TPGS2: variants seen among roughly 807,000 people sequenced by gnomAD.
TPGS2 encodes polyglutamylase subunit 2.
TPGS2 carries 26 observed loss-of-function variants against 31.1 expected under a neutral mutation model. The ratio of observed to expected loss-of-function variants is 0.84; its 90% CI spans 0.61 to 1.16. The LOEUF is 1.16. Ranked by LOEUF, TPGS2 falls within the 50% of genes most tolerant of loss-of-function variation. The pLI, the probability that TPGS2 is intolerant of heterozygous loss-of-function variation, is 0.00. For missense variants in TPGS2, 351 were observed against 363.8 expected, an observed-to-expected ratio of 0.96 and a Z score of 0.29; for synonymous variants, 130 against 136.6, an observed-to-expected ratio of 0.95 and a Z score of 0.34.
intron 6 of TPGS2, among the ~76,000 whole-genome samples, chr18:36,787,267 G>A (rs1432720203): frequency 6.6e-6 from 1 of 152,188 alleles, no homozygotes; most frequent in Non-Finnish European, 1.5e-5. Context: ...GGACTATTCA[G>A]TTGGCCCAGC....
chr18:36,815,468 A>G (rs2045610720), intron 2 of TPGS2, among the ~76,000 whole-genome samples: 1 of 152,172 alleles, frequency 6.6e-6, no homozygotes, highest in African/African-American at 2.4e-5. Flanking sequence ...CCCAAAAAAA[A>G]CATATCTGAC....
At chr18:36,797,779 T>G (rs567306244) in intron 6 of TPGS2, among the ~76,000 whole-genome samples, 3 of 151,788 alleles carry the variant, frequency 2.0e-5, no homozygotes, top group Non-Finnish European at 4.4e-5. Flanking sequence ...CCACACTTGG[T>G]GTTTTCAAAC....
intron 6 of TPGS2, among the ~76,000 whole-genome samples, chr18:36,788,093 A>G (rs996822070): frequency 2.6e-5 from 4 of 152,118 alleles, no homozygotes; most frequent in African/African-American, 9.7e-5. Context: ...CAGATTTTTG[A>G]ATTTGTCTTG....
intron 2 of TPGS2, among the ~76,000 whole-genome samples, chr18:36,809,598 T>G (rs918343796): frequency 6.6e-6 from 1 of 152,222 alleles, no homozygotes; most frequent in African/African-American, 2.4e-5. Flanking sequence ...CCACATTATC[T>G]GTGCTTTCAG....
chr18:36,804,392 T>C (rs1381590319), intron 4 of TPGS2, among the ~76,000 whole-genome samples: 2 of 152,174 alleles, frequency 1.3e-5, no homozygotes, highest in Non-Finnish European at 2.9e-5. Context: ...TTAGCCCACC[T>C]ATTTGACTAC....
chr18:36,814,758 G>A (rs1031633769), intron 2 of TPGS2, among the ~76,000 whole-genome samples: 7 of 152,098 alleles, frequency 4.6e-5, no homozygotes, highest in African/African-American at 7.2e-5. Context: ...ACTTTATTCC[G>A]ATGTTGCTTT....
intron 6 of TPGS2, chr18:36,786,481 T>C (rs2044131559): frequency 6.2e-6 from 1 of 160,604 alleles, no homozygotes; most frequent in South Asian, 2.0e-4. Flanking sequence ...CCTCCCAAAG[T>C]GCTGCGATTA....
chr18:36,819,891 TC>T (rs1600833000), intron 1 of TPGS2, among the ~76,000 whole-genome samples: 1 of 152,148 alleles, frequency 6.6e-6, no homozygotes, highest in Non-Finnish European at 1.5e-5. Flanking sequence ...ATTGGTGCCC[TC>T]CTCATAAAAA....
downstream of TPGS2, among the ~76,000 whole-genome samples, chr18:36,781,449 C>T (rs929278238): frequency 1.4e-4 from 21 of 152,070 alleles, no homozygotes; most frequent in Admixed American, 4.6e-4. Flanking sequence ...GTCAGGAGAT[C>T]GAGACCATCC....
At chr18:36,797,160 T>C (rs1600745677) in intron 6 of TPGS2, 110 bp from the exon 7 acceptor site, 1 of 1,547,496 alleles carries the variant, frequency 6.5e-7, no homozygotes, top group Non-Finnish European at 8.6e-7. Context: ...GAGGTACATT[T>C]TCATGAAAAA....
intron 2 of TPGS2, among the ~76,000 whole-genome samples, chr18:36,809,657 G>A (rs1046016714): frequency 6.6e-6 from 1 of 152,142 alleles, no homozygotes; most frequent in African/African-American, 2.4e-5. Flanking sequence ...CTAAAACCCT[G>A]GTACAGGAAG....
At chr18:36,782,373 G>T (rs1190597042), downstream of TPGS2, among the ~76,000 whole-genome samples, 1 of 150,366 alleles carries the variant, frequency 6.7e-6, no homozygotes, top group Non-Finnish European at 1.5e-5. Context: ...AATAAGATAG[G>T]GTGGTGATTC....
Position 36,795,190 on chromosome 18 carries a change from CAAAAT to C in TPGS2, c.*1610_*1614del, listed in dbSNP as rs2044471478. The C allele has an allele frequency of 1.1e-5, 11 of 985,276 alleles. No individual in the cohort carries two copies. Among genetic ancestry groups the C allele is most frequent in the Middle Eastern group, 5.2e-4 (1 of 1,936 alleles). The allele number at this position is 985,276 out of a possible 1,614,324, so 61.0% of individuals were successfully genotyped here. A position where few individuals can be genotyped will look rare whatever the true frequency, so the allele number is the denominator to read the frequency against. On this transcript the variant is annotated 3_prime_UTR_variant, in exon 7 of 7. Transcript: ENST00000334295. Reference sequence around the variant, plus strand: ...AATATCTATCACTATTGTCAACAATCAAAATAAACATGTTTCAGAGCAAAAGTGCA... The same window carrying C: ...AATATCTATCACTATTGTCAACAATCAAACATGTTTCAGAGCAAAAGTGCA...
Position 36,796,049 on chromosome 18 carries a change from A to G in TPGS2, c.*756T>C. ...ACAAACATCATAACACAAAACTGGAAGCAAGAAACTTCACTGGAAACTGAT... is the reference window on the plus strand; with the variant it reads ...ACAAACATCATAACACAAAACTGGAGGCAAGAAACTTCACTGGAAACTGAT... On this transcript the variant is annotated 3_prime_UTR_variant, in exon 7 of 7. Transcript: ENST00000334295. The G allele has an allele frequency of 1.0e-6, 1 of 985,468 alleles. No homozygotes were observed. Among genetic ancestry groups the G allele is most frequent in the Non-Finnish European group, 1.2e-6 (1 of 829,932 alleles). The allele number at this position is 985,468 out of a possible 1,614,324, so 61.0% of individuals were successfully genotyped here. A position where few individuals can be genotyped will look rare whatever the true frequency, so the allele number is the denominator to read the frequency against.
At chr18:36,800,967 G>C (rs2150576587) in intron 4 of TPGS2, among the ~76,000 whole-genome samples, 1 of 152,274 alleles carries the variant, frequency 6.6e-6, no homozygotes, top group South Asian at 2.1e-4. Flanking sequence ...TGGGATTACA[G>C]GCACGAGCCA....
rs1442063524 is a variant in TPGS2 at position 36,796,636 on chromosome 18, C to T, written c.*169G>A. 4 of 1,395,704 alleles carry T rather than the reference C, an allele frequency of 2.9e-6. No homozygotes were observed. Among genetic ancestry groups the T allele is most frequent in the Non-Finnish European group, 2.8e-6 (3 of 1,080,678 alleles). The allele number at this position is 1,395,704 out of a possible 1,614,324, so 86.5% of individuals were successfully genotyped here. On this transcript the variant is annotated 3_prime_UTR_variant, in exon 7 of 7. Transcript: ENST00000334295. Reference sequence around the variant, plus strand: ...GGGACAGCACAACCTGCTCTGGAGGCCTCACTACGAGCCTGGCTAATGTCG... The same window carrying T: ...GGGACAGCACAACCTGCTCTGGAGGTCTCACTACGAGCCTGGCTAATGTCG...
At position 36,794,877 on chromosome 18, in the gene TPGS2, A is replaced by G; in HGVS notation, c.*1928T>C. On this transcript the variant is annotated 3_prime_UTR_variant, in exon 7 of 7. Transcript: ENST00000334295. ...CACACACACACACACACACACACACACACACGTTTAAATGACCACACTGAA... is the reference window on the plus strand; with the variant it reads ...CACACACACACACACACACACACACGCACACGTTTAAATGACCACACTGAA... 3 of 971,034 alleles carry G rather than the reference A, an allele frequency of 3.1e-6. No homozygotes were observed. Among genetic ancestry groups the G allele is most frequent in the Non-Finnish European group, 3.6e-6 (3 of 822,974 alleles). The allele number at this position is 971,034 out of a possible 1,614,324, so 60.2% of individuals were successfully genotyped here.
At chr18:36,786,281 C>T (rs779176621) in intron 6 of TPGS2, among the ~76,000 whole-genome samples, 8 of 152,142 alleles carry the variant, frequency 5.3e-5, no homozygotes, top group Admixed American at 2.0e-4. Context: ...AATGCAGTGG[C>T]GCAATCTCGG....
At chr18:36,784,842 G>A (rs957517052) in intron 6 of TPGS2, among the ~76,000 whole-genome samples, 6 of 152,086 alleles carry the variant, frequency 3.9e-5, no homozygotes, top group African/African-American at 9.7e-5. Context: ...GAAACCTTAA[G>A]ACAGCTGCTA....
Sources: gnomAD v4.1 joint callset for allele counts (sites outside exome capture counted in the v4.1 genomes callset) on GRCh38, gnomAD v4.1.1 for gene constraint, MANE v1.5 for transcripts, NCBI Gene and HGNC (gene_info 2026-07-23, HGNC 2026-07-21) for gene names.